SPOP: variants seen among roughly 807,000 people sequenced by gnomAD.
SPOP encodes the protein speckle type BTB/POZ protein, also known as speckle-type POZ protein.
Under a neutral mutation model 45.6 loss-of-function variants are expected in SPOP, and 11 were observed. The observed-to-expected ratio is 0.24, with a 90% CI of 0.15 to 0.40. The LOEUF is 0.40. Among genes scored for constraint, SPOP ranks in the 10% least tolerant of loss-of-function variants. The pLI is 1.00. For synonymous variants in SPOP, 166 were observed against 166.3 expected (o/e 1.00, Z 0.01); for missense variants, 152 against 465.6 (o/e 0.33, Z 6.20).
intron 1 of SPOP, among the ~76,000 whole-genome samples, chr17:49,668,903 A>G (rs1050153699): frequency 5.9e-5 from 9 of 151,318 alleles, no homozygotes; most frequent in Non-Finnish European, 1.2e-4. Context: ...CAGCCTCCCG[A>G]GTAGCTGGGA....
At chr17:49,646,908 T>G (rs1365629143) in intron 1 of SPOP, among the ~76,000 whole-genome samples, 2 of 152,152 alleles carry the variant, frequency 1.3e-5, no homozygotes, top group Non-Finnish European at 2.9e-5. Context: ...ATTCAACATG[T>G]AGAAATGGAA....
intron 1 of SPOP, among the ~76,000 whole-genome samples, chr17:49,649,899 T>A (rs2072818483): frequency 6.6e-6 from 1 of 152,102 alleles, no homozygotes; most frequent in African/African-American, 2.4e-5. Context: ...TTTCATTTAT[T>A]TATTTATTGA....
intron 1 of SPOP, among the ~76,000 whole-genome samples, chr17:49,660,466 T>C (rs529826892): frequency 6.6e-6 from 1 of 152,202 alleles, no homozygotes; most frequent in African/African-American, 2.4e-5. Context: ...TTGAAACTTA[T>C]CACTTTCCAA....
intron 1 of SPOP, among the ~76,000 whole-genome samples, chr17:49,627,091 T>C (rs942350646): frequency 9.2e-5 from 14 of 152,154 alleles, no homozygotes; most frequent in African/African-American, 2.9e-4. Context: ...CCTCGTGATT[T>C]GCCCACCTTG....
At chr17:49,659,474 C>T (rs930234018) in intron 1 of SPOP, among the ~76,000 whole-genome samples, 1 of 152,154 alleles carries the variant, frequency 6.6e-6, no homozygotes, top group African/African-American at 2.4e-5. Flanking sequence ...TGTCCACCTC[C>T]GTTACACACA....
At chr17:49,624,331 G>GCGCGCGCACACACACACA (rs71352523) in intron 1 of SPOP, among the ~76,000 whole-genome samples, 4 of 149,224 alleles carry the variant, frequency 2.7e-5, no homozygotes, top group African/African-American at 1.0e-4. Context: ...GCGCGCGCGC[G>GCGCGCGCACACACACACA]CACACACACA....
At chr17:49,638,664 G>C (rs1226332691) in intron 1 of SPOP, among the ~76,000 whole-genome samples, 1 of 152,106 alleles carries the variant, frequency 6.6e-6, no homozygotes, top group African/African-American at 2.4e-5. Flanking sequence ...GCTTCTCTTA[G>C]ACTATAATAG....
chr17:49,677,144 T>G, intron 1 of SPOP, among the ~76,000 whole-genome samples: 1 of 152,210 alleles, frequency 6.6e-6, no homozygotes, highest in East Asian at 1.9e-4. Context: ...TTAGTTCCAT[T>G]TATGACCCTT....
intron 8 of SPOP, 41 bp from the exon 9 acceptor site, chr17:49,602,048 T>C: frequency 6.2e-7 from 1 of 1,607,456 alleles, no homozygotes; most frequent in Non-Finnish European, 8.5e-7. Context: ...GCAGCAATAG[T>C]TCTGGGCTGA....
Position 49,611,376 on chromosome 17 carries a change from C to G in SPOP, c.562G>C (p.Asp188His). ...MVKVPECRLA[D>H]ELGGLWENSR... ...TTCTCCCACAGTCCTCCTAACTCAT[C>G]TGCCAGCCGGCACTCAGGAACCTTT... Residue 188 changes from aspartate to histidine, a missense_variant, in exon 6 of 10, where the codon GAT becomes CAT. Asp to His is a moderately conservative substitution (Grantham distance 81). Around this residue, in one of 3 missense-constraint regions of SPOP, gnomAD observed 106 missense variants for 255.2 expected, o/e 0.42. Coordinates refer to ENST00000504102, the MANE Select transcript of SPOP (RefSeq NM_001007228.2). 1 of 1,614,202 alleles carries G rather than the reference C, an allele frequency of 6.2e-7. No homozygotes were observed. The highest frequency in any genetic ancestry group is 8.5e-7 in the Non-Finnish European group (1 of 1,180,032).
chr17:49,654,634 A>C (rs1056018303), intron 1 of SPOP, among the ~76,000 whole-genome samples: 3 of 152,100 alleles, frequency 2.0e-5, no homozygotes, highest in Non-Finnish European at 4.4e-5. Context: ...AAATACAAAA[A>C]ATTAGCCGGG....
chr17:49,608,640 G>A (rs973059549), intron 6 of SPOP, among the ~76,000 whole-genome samples: 2 of 152,174 alleles, frequency 1.3e-5, no homozygotes, highest in Non-Finnish European at 2.9e-5. Flanking sequence ...TTGAGAAACA[G>A]TGCTCCAACT....
In SPOP at chr17:49,676,398, C is replaced by T. The variant is rs183631031; in HGVS notation, c.-67+1535G>A. Among the ~76,000 whole-genome samples, 7 of 152,210 alleles carry T rather than the reference C, an allele frequency of 4.6e-5. No individual in the cohort carries two copies. The East Asian group carries it at 1.4e-3, about 29-fold the overall frequency. On this transcript the variant is annotated intron_variant, in intron 1 of 9. Coordinates refer to ENST00000504102, the MANE Select transcript of SPOP (RefSeq NM_001007228.2). ...GTAACCATGGCAACAGGAAACAGCA[C>T]AAAAGACAGCAGAACCCTGTAAGGG...
At chr17:49,677,251 A>G (rs778339267) in intron 1 of SPOP, among the ~76,000 whole-genome samples, 1 of 152,202 alleles carries the variant, frequency 6.6e-6, no homozygotes, top group Non-Finnish European at 1.5e-5. Flanking sequence ...ACTAAAAGGT[A>G]CAAGCACAAC....
chr17:49,607,862 C>T lies in SPOP; in HGVS notation c.714+12G>A, dbSNP rs376422699. 5.2e-5 allele frequency: 84 copies of T among 1,609,960 alleles called. No individual in the cohort carries two copies. The highest frequency in any genetic ancestry group is 6.5e-5 in the Non-Finnish European group (76 of 1,177,598). The stretch of plus-strand genomic sequence containing the variant: ...CCTGGCTAAACAGACATGTCTTCAT[C>T]TTGTTACATACCTTTTTGCTCTCCT... On this transcript the variant is annotated intron_variant, in intron 7 of 9. Coordinates refer to ENST00000504102, the MANE Select transcript of SPOP (RefSeq NM_001007228.2).
rs2073047992 is a variant in SPOP at position 49,665,679 on chromosome 17, C to CACAT, written c.-67+12253_-67+12254insATGT. On this transcript the variant is annotated intron_variant, in intron 1 of 9. Transcript: ENST00000504102. Reference sequence around the variant, plus strand: ...ACACACACACACACACACACACACACACACACACACACACACCAATCTGGC... The same window carrying CACAT: ...ACACACACACACACACACACACACACACATACACACACACACACACCAATCTGGC... Among the ~76,000 whole-genome samples the CACAT allele has an allele frequency of 1.3e-5, 2 of 150,552 alleles. 1 individual carries two copies.
chr17:49,642,971 C>T (rs1450163097), intron 1 of SPOP, among the ~76,000 whole-genome samples: 6 of 152,238 alleles, frequency 3.9e-5, no homozygotes, highest in Admixed American at 3.3e-4. Context: ...AACCACAATA[C>T]TTATTACCTG....
chr17:49,622,389 G>T (rs2072237775), intron 2 of SPOP: 1 of 522,054 alleles, frequency 1.9e-6, no homozygotes, highest in Non-Finnish European at 3.5e-6. Context: ...CTTAAAATGG[G>T]TCTCTGTTAT....
intron 1 of SPOP, among the ~76,000 whole-genome samples, chr17:49,643,750 G>A (rs2072702600): frequency 6.6e-6 from 1 of 151,842 alleles, no homozygotes; most frequent in Non-Finnish European, 1.5e-5. Context: ...GGCCAATATG[G>A]TGAAACCGCA....
Sources: allele counts gnomAD v4.1 joint callset (sites outside exome capture counted in the v4.1 genomes callset), GRCh38; gene constraint gnomAD v4.1.1; regional missense constraint gnomAD v4.1.1; transcripts MANE v1.5; gene names NCBI Gene and HGNC (gene_info 2026-07-23, HGNC 2026-07-21).